MFHAS1: variants seen among roughly 807,000 people sequenced by gnomAD.
MFHAS1 encodes malignant fibrous histiocytoma-amplified sequence 1.
MFHAS1 carries 50 observed loss-of-function variants against 70.4 expected under a neutral mutation model. That is an observed-to-expected ratio of 0.71 (90% CI 0.57 to 0.90). The LOEUF is 0.90. Ranked by LOEUF, MFHAS1 falls within the 40% of genes least tolerant of loss-of-function variation. The pLI is 0.00. For missense variants in MFHAS1, 1,795 were observed against 1,347.6 expected, an observed-to-expected ratio of 1.33 and a Z score of -5.20; for synonymous variants, 952 against 620.0, an observed-to-expected ratio of 1.54 and a Z score of -7.96.
intron 2 of MFHAS1, among the ~76,000 whole-genome samples, chr8:8,793,207 T>C (rs1805778259): frequency 1.3e-5 from 2 of 152,214 alleles, no homozygotes; most frequent in South Asian, 4.1e-4. Flanking sequence ...CTACTTCTTA[T>C]TCTCTGTCTC....
chr8:8,818,604 C>G (rs940250093), intron 1 of MFHAS1, among the ~76,000 whole-genome samples: 5 of 152,190 alleles, frequency 3.3e-5, no homozygotes, highest in Admixed American at 6.5e-5. Context: ...CTTATAGGAA[C>G]ACTACAAGAA....
intron 1 of MFHAS1, among the ~76,000 whole-genome samples, chr8:8,830,521 C>T (rs1048143207): frequency 6.6e-5 from 10 of 152,120 alleles, no homozygotes; most frequent in Non-Finnish European, 1.2e-4. Context: ...TTCTAGAGTT[C>T]TCTGGACCAA....
intron 2 of MFHAS1, among the ~76,000 whole-genome samples, chr8:8,795,787 C>T (rs1383763502): frequency 6.6e-6 from 1 of 152,214 alleles, no homozygotes; most frequent in Non-Finnish European, 1.5e-5. Context: ...TGCAGCCGGA[C>T]AGCAAGTTTC....
At chr8:8,857,117 G>A (rs1808474266) in intron 1 of MFHAS1, among the ~76,000 whole-genome samples, 1 of 151,638 alleles carries the variant, frequency 6.6e-6, no homozygotes, top group Admixed American at 6.6e-5. Flanking sequence ...GTCTTAGAAT[G>A]CCAAAAACAG....
At chr8:8,787,280 C>T (rs1196072920) in intron 2 of MFHAS1, among the ~76,000 whole-genome samples, 1 of 152,114 alleles carries the variant, frequency 6.6e-6, no homozygotes, top group Non-Finnish European at 1.5e-5. Flanking sequence ...TGGGGTTTCA[C>T]CATGTTAGCC....
At chr8:8,822,666 C>T (rs1807007406) in intron 1 of MFHAS1, among the ~76,000 whole-genome samples, 2 of 116,138 alleles carry the variant, frequency 1.7e-5, no homozygotes, top group African/African-American at 3.5e-5. Context: ...GTCAGGGGGA[C>T]TGAGACGGGG....
intron 1 of MFHAS1, among the ~76,000 whole-genome samples, chr8:8,841,872 C>T (rs1268275115): frequency 6.6e-6 from 1 of 152,148 alleles, no homozygotes; most frequent in Admixed American, 6.5e-5. Context: ...ATATGCCATC[C>T]TACTTTGGCA....
chr8:8,795,498 C>T lies in MFHAS1; in HGVS notation c.3125+1867G>A, dbSNP rs953486402. On this transcript the variant is annotated intron_variant, in intron 2 of 2. Transcript: ENST00000276282. ...AGGGTCAGTGATAAATTAAACTATG[C>T]ACATGATAGTTAAATAGTACTCTGA... 3.9e-5 allele frequency among the ~76,000 whole-genome samples: 6 copies of T among 152,320 alleles called. No individual in the cohort carries two copies. The East Asian group carries it at 1.2e-3, about 29-fold the overall frequency.
At chr8:8,849,132 G>A (rs114351844) in intron 1 of MFHAS1, among the ~76,000 whole-genome samples, 1,526 of 119,796 alleles carry the variant, frequency 0.013, 24 homozygotes, top group African/African-American at 0.043. Flanking sequence ...CCAGGCTGAA[G>A]AGCAATGGCA....
intron 2 of MFHAS1, among the ~76,000 whole-genome samples, chr8:8,787,984 T>C (rs1251249187): frequency 3.3e-5 from 5 of 152,246 alleles, no homozygotes; most frequent in Non-Finnish European, 7.3e-5. Flanking sequence ...CCCACCTCTC[T>C]AGCTCCATAA....
At chr8:8,795,727 G>A (rs556465497) in intron 2 of MFHAS1, among the ~76,000 whole-genome samples, 1 of 152,342 alleles carries the variant, frequency 6.6e-6, no homozygotes, top group African/African-American at 2.4e-5. Flanking sequence ...CCAAAGGCAG[G>A]GAAGCTGCCA....
At chr8:8,832,758 C>T (rs1236384297) in intron 1 of MFHAS1, among the ~76,000 whole-genome samples, 1 of 151,298 alleles carries the variant, frequency 6.6e-6, no homozygotes, top group Non-Finnish European at 1.5e-5. Flanking sequence ...CCTCCTGACT[C>T]GCCGAGACTA....
At chr8:8,827,149 T>C (rs190378732) in intron 1 of MFHAS1, among the ~76,000 whole-genome samples, 709 of 152,348 alleles carry the variant, frequency 4.7e-3, no homozygotes, top group Middle Eastern at 0.017. Context: ...ACGTAGAGAA[T>C]TGTGCCATTT....
rs537145182 is a variant in MFHAS1 at position 8,833,365 on chromosome 8, C to T, written c.2999-35874G>A. On this transcript the variant is annotated intron_variant, in intron 1 of 2. Coordinates refer to ENST00000276282, the MANE Select transcript of MFHAS1 (RefSeq NM_004225.3). ...TAGACATGGGCTGAGTGCAGTGATTCATGCCATAATCCTAACATATGGAGA... is the reference window on the plus strand; with the variant it reads ...TAGACATGGGCTGAGTGCAGTGATTTATGCCATAATCCTAACATATGGAGA... 2.0e-5 allele frequency among the ~76,000 whole-genome samples: 3 copies of T among 152,308 alleles called. No individual in the cohort carries two copies. In the South Asian group the frequency reaches 6.2e-4, roughly 32 times the overall value.
At chr8:8,849,675 C>T (rs1585050665) in intron 1 of MFHAS1, among the ~76,000 whole-genome samples, 1 of 152,202 alleles carries the variant, frequency 6.6e-6, no homozygotes, top group Non-Finnish European at 1.5e-5. Flanking sequence ...CAAGTGGACA[C>T]TTCATTGTGG....
At chr8:8,876,131 C>G (rs547595862) in intron 1 of MFHAS1, among the ~76,000 whole-genome samples, 85 of 152,274 alleles carry the variant, frequency 5.6e-4, no homozygotes, top group Non-Finnish European at 8.8e-4. Flanking sequence ...ATAACTCAAT[C>G]TTCAGAACCA....
chr8:8,850,943 G>C (rs531152783), intron 1 of MFHAS1, among the ~76,000 whole-genome samples: 15 of 151,880 alleles, frequency 9.9e-5, no homozygotes, highest in Non-Finnish European at 1.8e-4. Context: ...TCTCCAGCTA[G>C]CAGGTTCCAT....
chr8:8,860,850 G>T (rs554118681), intron 1 of MFHAS1, among the ~76,000 whole-genome samples: 1 of 152,076 alleles, frequency 6.6e-6, no homozygotes, highest in Non-Finnish European at 1.5e-5. Context: ...CATTGGTCTC[G>T]TTTCCATTTC....
intron 1 of MFHAS1, among the ~76,000 whole-genome samples, chr8:8,814,476 C>T (rs745601287): frequency 1.2e-4 from 19 of 152,142 alleles, no homozygotes; most frequent in Non-Finnish European, 2.1e-4. Flanking sequence ...CCCAAGGGTG[C>T]GTTTCTCAGA....
Sources: allele counts gnomAD v4.1 joint callset (sites outside exome capture counted in the v4.1 genomes callset), GRCh38; gene constraint gnomAD v4.1.1; transcripts MANE v1.5; gene names NCBI Gene and HGNC (gene_info 2026-07-23, HGNC 2026-07-21).